FREM2: variants seen among roughly 807,000 people sequenced by gnomAD.
FREM2 encodes the protein FRAS1-related extracellular matrix protein 2.
In FREM2, 119 loss-of-function variants were observed where a neutral mutation model predicts 219.9. The ratio of observed to expected loss-of-function variants is 0.54; its 90% CI spans 0.47 to 0.63. FREM2 has a LOEUF of 0.63. FREM2 is among the 30% of genes least tolerant of loss of function. The pLI is 0.00. For synonymous variants in FREM2, 1,562 were observed against 1,522.8 expected, an observed-to-expected ratio of 1.03 and a Z score of -0.60; for missense variants, 4,030 against 3,993.6, an observed-to-expected ratio of 1.01 and a Z score of -0.25.
intron 6 of FREM2, among the ~76,000 whole-genome samples, chr13:38,795,423 C>T (rs924556109): frequency 3.3e-5 from 5 of 150,090 alleles, no homozygotes; most frequent in Admixed American, 6.7e-5. Context: ...ATAAATGAAT[C>T]CCTTGTAACT....
At chr13:38,756,598 G>T (rs1394740034) in intron 2 of FREM2, among the ~76,000 whole-genome samples, 1 of 146,516 alleles carries the variant, frequency 6.8e-6, no homozygotes, top group East Asian at 2.0e-4. Context: ...CGCGATCTTG[G>T]ATCACTGCAA....
At chr13:38,835,000 GT>G (rs1179332249) in intron 6 of FREM2, among the ~76,000 whole-genome samples, 1 of 152,164 alleles carries the variant, frequency 6.6e-6, no homozygotes, top group Non-Finnish European at 1.5e-5. Flanking sequence ...TGCTTTTGGT[GT>G]TTTAGTCATG....
intron 16 of FREM2, among the ~76,000 whole-genome samples, chr13:38,870,536 A>G (rs1460298421): frequency 6.6e-6 from 1 of 152,204 alleles, no homozygotes; most frequent in African/African-American, 2.4e-5. Context: ...TTAAGTTGAC[A>G]TCTAAATGTT....
chr13:38,748,089 T>G (rs1274483276), intron 2 of FREM2, among the ~76,000 whole-genome samples: 1 of 152,138 alleles, frequency 6.6e-6, no homozygotes, highest in Non-Finnish European at 1.5e-5. Flanking sequence ...CTAACCTTTG[T>G]CTCTTCTGAG....
At chr13:38,767,434 T>G (rs1593394671) in intron 3 of FREM2, among the ~76,000 whole-genome samples, 1 of 152,240 alleles carries the variant, frequency 6.6e-6, no homozygotes, top group Non-Finnish European at 1.5e-5. Context: ...GAGGACTAGT[T>G]GGAACTAGCA....
At chr13:38,710,876 A>G (rs1870744313) in intron 2 of FREM2, among the ~76,000 whole-genome samples, 1 of 152,254 alleles carries the variant, frequency 6.6e-6, no homozygotes, top group Non-Finnish European at 1.5e-5. Flanking sequence ...ATATCTTTCA[A>G]GAACACATAG....
chr13:38,722,963 G>A (rs1871353550), intron 2 of FREM2, among the ~76,000 whole-genome samples: 1 of 152,150 alleles, frequency 6.6e-6, no homozygotes, highest in African/African-American at 2.4e-5. Flanking sequence ...AGGTGCAGTG[G>A]CTCCTGCCTA....
At chr13:38,793,705 C>T (rs1044920689) in intron 6 of FREM2, among the ~76,000 whole-genome samples, 4 of 152,176 alleles carry the variant, frequency 2.6e-5, no homozygotes, top group African/African-American at 7.2e-5. Flanking sequence ...TTGAAGAGCT[C>T]AGGTGGCTGT....
rs1184557064 is a variant in FREM2 at position 38,784,741 on chromosome 13, C to T, written c.5952C>T (p.Pro1984=). Residue 1984 remains proline, a synonymous_variant, in exon 6 of 24, where the codon CCC becomes CCT. Coordinates refer to ENST00000280481, the MANE Select transcript of FREM2 (RefSeq NM_207361.6). Reference sequence around the variant, plus strand: ...CCTTCCATGTCCTTCTGAGCATGCCCATGGGGGGAAGAATCGGATCAGAGT... The same window carrying T: ...CCTTCCATGTCCTTCTGAGCATGCCTATGGGGGGAAGAATCGGATCAGAGT... The part of the protein sequence containing the change: ...EETFHVLLSM[P]MGGRIGSEFP... The T allele has an allele frequency of 6.2e-7, 1 of 1,614,118 alleles. No individual in the cohort carries two copies. Among genetic ancestry groups the T allele is most frequent in the East Asian group, 2.2e-5 (1 of 44,864 alleles).
chr13:38,845,159 C>A (rs949997534), intron 6 of FREM2, among the ~76,000 whole-genome samples: 2 of 152,098 alleles, frequency 1.3e-5, no homozygotes, highest in Non-Finnish European at 2.9e-5. Context: ...TTTTATCATG[C>A]CCACCATGTG....
chr13:38,833,202 A>T (rs899948969), intron 6 of FREM2, among the ~76,000 whole-genome samples: 21 of 152,086 alleles, frequency 1.4e-4, no homozygotes, highest in African/African-American at 4.8e-4. Flanking sequence ...TATAACTGGC[A>T]TATGGTTTTG....
At chr13:38,855,522 C>G (rs1877520458) in intron 11 of FREM2, among the ~76,000 whole-genome samples, 1 of 152,126 alleles carries the variant, frequency 6.6e-6, no homozygotes, top group Admixed American at 6.5e-5. Flanking sequence ...AAACTGTGGG[C>G]CAACGAACCA....
rs891453168 is a variant in FREM2, at chr13:38,750,037, G to A, written c.5264-14267G>A. 4.6e-5 allele frequency among the ~76,000 whole-genome samples: 7 copies of A among 152,128 alleles called. No homozygotes were observed. In the East Asian group the frequency reaches 1.4e-3, roughly 29 times the overall value. ...GAAAGAGAGAGAAGGAAAGGGGTAGGGCCTAACTTTTACCTGTATGTAGTA... is the reference window on the plus strand; with the variant it reads ...GAAAGAGAGAGAAGGAAAGGGGTAGAGCCTAACTTTTACCTGTATGTAGTA... On this transcript the variant is annotated intron_variant, in intron 2 of 23. Transcript: ENST00000280481.
intron 7 of FREM2, among the ~76,000 whole-genome samples, chr13:38,847,191 C>G (rs535589067): frequency 6.7e-6 from 1 of 148,786 alleles, no homozygotes; most frequent in African/African-American, 2.5e-5. Flanking sequence ...TTCCACACTT[C>G]GTTATAAAAA....
At chr13:38,840,636 A>G (rs71423185) in intron 6 of FREM2, among the ~76,000 whole-genome samples, 18,707 of 145,906 alleles carry the variant, frequency 0.13, 1,489 homozygotes, top group Admixed American at 0.23. Context: ...ATATATATAT[A>G]TATATATATG....
At chr13:38,786,356 G>T (rs982085776) in intron 6 of FREM2, among the ~76,000 whole-genome samples, 2 of 152,056 alleles carry the variant, frequency 1.3e-5, no homozygotes, top group Non-Finnish European at 2.9e-5. Context: ...TTATCAAGAG[G>T]TATTGAAAGT....
intron 6 of FREM2, among the ~76,000 whole-genome samples, chr13:38,785,367 A>G (rs1449860047): frequency 6.6e-6 from 1 of 152,232 alleles, no homozygotes; most frequent in Non-Finnish European, 1.5e-5. Flanking sequence ...AAGGGAGCAA[A>G]AGGATCTTAA....
chr13:38,799,404 T>A (rs1042259930), intron 6 of FREM2, among the ~76,000 whole-genome samples: 1 of 152,102 alleles, frequency 6.6e-6, no homozygotes, highest in Non-Finnish European at 1.5e-5. Context: ...CTGAAGAATG[T>A]TCCATGTAAT....
At chr13:38,788,752 T>C (rs1874434090) in intron 6 of FREM2, among the ~76,000 whole-genome samples, 1 of 152,096 alleles carries the variant, frequency 6.6e-6, no homozygotes, top group Admixed American at 6.6e-5. Context: ...TTTTTCTCAT[T>C]GAAAAGGAAA....
Sources: allele counts gnomAD v4.1 joint callset (sites outside exome capture counted in the v4.1 genomes callset), GRCh38; gene constraint gnomAD v4.1.1; transcripts MANE v1.5; gene names NCBI Gene and HGNC (gene_info 2026-07-23, HGNC 2026-07-21).